The following TYMS variants were observed in gnomAD, a reference collection of about 807,000 sequenced individuals.
TYMS encodes the protein thymidylate synthase.
In TYMS, 21 loss-of-function variants were observed where a neutral mutation model predicts 39.3. That is an observed-to-expected ratio of 0.54 (90% CI 0.38 to 0.77). The LOEUF is 0.77. Among genes scored for constraint, TYMS ranks in the 30% least tolerant of loss-of-function variants. The pLI, the probability that TYMS is intolerant of heterozygous loss-of-function variation, is 0.00. For synonymous variants in TYMS, 171 were observed against 162.2 expected, an observed-to-expected ratio of 1.05 and a Z score of -0.41; for missense variants, 273 against 406.7, an observed-to-expected ratio of 0.67 and a Z score of 2.83.
At chr18:661,600 A>G (rs2074756141) in intron 2 of TYMS, among the ~76,000 whole-genome samples, 1 of 152,230 alleles carries the variant, frequency 6.6e-6, no homozygotes, top group African/African-American at 2.4e-5. Flanking sequence ...GTTGAGGGGA[A>G]TGGAAGAAAA....
At chr18:662,503 T>TA (rs2074766523) in intron 3 of TYMS, among the ~76,000 whole-genome samples, 183 bp downstream of exon 3, 3 of 126,452 alleles carry the variant, frequency 2.4e-5, no homozygotes, top group Non-Finnish European at 5.0e-5. Context: ...CGTTTCACAC[T>TA]CTTTTTTTTT....
intron 3 of TYMS, 31 bp downstream of exon 3, chr18:662,351 C>G (rs369797907): frequency 2.6e-5 from 41 of 1,569,764 alleles, no homozygotes; most frequent in Non-Finnish European, 3.1e-5. Flanking sequence ...CTTCCATTTC[C>G]CGGGTGCCCT....
chr18:670,894 G>T, intron 5 of TYMS, 27 bp downstream of exon 5: 1 of 1,612,380 alleles, frequency 6.2e-7, no homozygotes, highest in South Asian at 1.1e-5. Flanking sequence ...AGGGTGACTT[G>T]CCAGCCTACC....
rs770580127 is a variant in TYMS, at chr18:670,864, G to A, written c.729G>A (p.Leu243=). ...ACATGATTGCGCACATCACGGGCCT[G>A]AAGGTGGGCTGTCTCGGGAAGGGTG... ...LTYMIAHITG[L]KPGDFIHTLG... Residue 243 remains leucine, a synonymous_variant, in exon 5 of 7, where the codon CTG becomes CTA. Transcript: ENST00000323274. 2.5e-6 allele frequency: 4 copies of A among 1,614,032 alleles called. No individual in the cohort carries two copies. The highest frequency in any genetic ancestry group is 1.7e-5 in the Admixed American group (1 of 60,012).
At position 657,684 on chromosome 18, in the gene TYMS, TGGCCTGCCTCCGTCCCGCCGCGCCA is replaced by T. The variant is rs2074699461; in HGVS notation, c.-58_-34del. On this transcript the variant is annotated 5_prime_UTR_variant, in exon 1 of 7. Transcript: ENST00000323274. ...CCTGCCTCCGTCCCGCCGCGCCACTTGGCCTGCCTCCGTCCCGCCGCGCCACTTCGCCTGCCTCCGTCCCCCGCCC... is the reference window on the plus strand; with the variant it reads ...CCTGCCTCCGTCCCGCCGCGCCACTTCTTCGCCTGCCTCCGTCCCCCGCCC... The T allele has an allele frequency of 1.9e-5, 23 of 1,212,828 alleles. No individual in the cohort carries two copies. The highest frequency in any genetic ancestry group is 4.8e-5 in the African/African-American group (3 of 62,306). 75.1% of individuals were successfully genotyped at this position (1,212,828 alleles called of 1,614,324 possible). A position where few individuals can be genotyped will look rare whatever the true frequency, so the allele number is the denominator to read the frequency against.
At chr18:671,167 G>A (rs2847151) in intron 5 of TYMS, 224,603 of 611,424 alleles carry the variant, frequency 0.37, 44,845 homozygotes, top group East Asian at 0.66. Flanking sequence ...AGCACTTTGG[G>A]AGACTGAGAC....
chr18:672,223 G>C (rs1317870362), intron 6 of TYMS: 3 of 152,174 alleles, frequency 2.0e-5, no homozygotes, highest in Non-Finnish European at 4.4e-5. Context: ...TGAGCCTTAA[G>C]GAAAAAAACT....
Position 667,077 on chromosome 18 carries a change from A to T in TYMS, c.455-1995A>T, listed in dbSNP as rs182891213. ...GAGATGGAGATGGTGATGGTGATGGAGATGGTGATGGTGATGGAGATGGAG... is the reference window on the plus strand; with the variant it reads ...GAGATGGAGATGGTGATGGTGATGGTGATGGTGATGGTGATGGAGATGGAG... On this transcript the variant is annotated intron_variant, in intron 3 of 6. Transcript: ENST00000323274. 2.2e-3 allele frequency among the ~76,000 whole-genome samples: 89 copies of T among 40,760 alleles called. 17 individuals are homozygous for T. The highest frequency in any genetic ancestry group is 2.8e-3 in the Admixed American group (12 of 4,316). 26.7% of individuals were successfully genotyped at this position (40,760 alleles called of 152,430 possible). A position where few individuals can be genotyped will look rare whatever the true frequency, so the allele number is the denominator to read the frequency against.
In TYMS at chr18:666,038, G is replaced by T. The variant is rs1206359253; in HGVS notation, c.455-3034G>T. Among the ~76,000 whole-genome samples the T allele has an allele frequency of 3.1e-5, 3 of 97,904 alleles. 1 individual carries two copies. Among genetic ancestry groups the T allele is most frequent in the Non-Finnish European group, 5.7e-5 (3 of 52,882 alleles). 64.2% of individuals were successfully genotyped at this position (97,904 alleles called of 152,430 possible). A position where few individuals can be genotyped will look rare whatever the true frequency, so the allele number is the denominator to read the frequency against. On this transcript the variant is annotated intron_variant, in intron 3 of 6. Transcript: ENST00000323274. ...TGTAGATGTCTATTAGGTCCGCTTA[G>T]TGCAGAGCTGAGTTCAATTCCTGGG...
intron 3 of TYMS, among the ~76,000 whole-genome samples, chr18:667,517 T>C (rs1334309011): frequency 1.8e-5 from 1 of 55,236 alleles, no homozygotes; most frequent in African/African-American, 1.2e-4. Context: ...ATGGTGATGG[T>C]GATGGTGATG....
intron 4 of TYMS, among the ~76,000 whole-genome samples, chr18:670,064 G>C (rs1347137659): frequency 5.7e-5 from 8 of 140,064 alleles, no homozygotes; most frequent in Non-Finnish European, 9.2e-5. Context: ...TTTTTTTTGA[G>C]ACACAGTCTC....
rs750873960 is a variant in TYMS, at chr18:672,999, G to A, written c.*2G>A. On this transcript the variant is annotated 3_prime_UTR_variant, in exon 7 of 7. Coordinates refer to ENST00000323274, the MANE Select transcript of TYMS (RefSeq NM_001071.4). Reference sequence around the variant, plus strand: ...ATTAAAATGGAAATGGCTGTTTAGGGTGCTTTCAAAGGAGCTCGAAGGATA... The same window carrying A: ...ATTAAAATGGAAATGGCTGTTTAGGATGCTTTCAAAGGAGCTCGAAGGATA... 11 of 1,559,730 alleles carry A rather than the reference G, an allele frequency of 7.1e-6. No individual in the cohort carries two copies. Among genetic ancestry groups the A allele is most frequent in the Admixed American group, 1.7e-5 (1 of 59,442 alleles).
rs201596180 is a variant in TYMS at position 658,121 on chromosome 18, T to C, written c.205+174T>C. On this transcript the variant is annotated intron_variant, in intron 1 of 6. Coordinates refer to ENST00000323274, the MANE Select transcript of TYMS (RefSeq NM_001071.4). The surrounding 1 kb of genome is among the most constrained non-coding windows in gnomAD (Gnocchi z 4.5). ...CAGACGCCGAAACGGAGGGTCCCAT[T>C]AGGGACGTGACTGGCGCGGGCAACA... is the stretch of plus-strand genomic sequence containing the variant. 1.6e-4 allele frequency: 254 copies of C among 1,587,656 alleles called. 1 individual carries two copies. The East Asian group carries it at 2.8e-3, about 18-fold the overall frequency.
intron 3 of TYMS, among the ~76,000 whole-genome samples, chr18:666,969 T>TGATGGTGATGGCGATGGC (rs2074841687): frequency 7.2e-5 from 1 of 13,962 alleles, no homozygotes; most frequent in African/African-American, 3.6e-4. Flanking sequence ...ATGGAGATGG[T>TGATGGTGATGGCGATGGC]GATGGAGATG....
chr18:672,857 T>C lies in TYMS; in HGVS notation c.805-3T>C, dbSNP rs139825452. 1.3e-6 allele frequency: 2 copies of C among 1,556,564 alleles called. No individual in the cohort carries two copies. The highest frequency in any genetic ancestry group is 2.7e-5 in the African/African-American group (2 of 73,998). On this transcript the variant is annotated splice_region_variant and splice_polypyrimidine_tract_variant and intron_variant, in intron 6 of 6. Transcript: ENST00000323274. ...CAAAATAATGGCCTTATTTTGTTTT[T>C]AGCTTCAGCGAGAACCCAGACCTTT... is the stretch of plus-strand genomic sequence containing the variant.
At chr18:667,714 A>G (rs1443122864) in intron 3 of TYMS, 1 of 152,216 alleles carries the variant, frequency 6.6e-6, no homozygotes, top group Non-Finnish European at 1.5e-5. Context: ...CTTTATCACA[A>G]TGAAAAAAGC....
intron 3 of TYMS, among the ~76,000 whole-genome samples, chr18:667,404 GGT>G: frequency 1.9e-4 from 1 of 5,164 alleles, no homozygotes; most frequent in Non-Finnish European, 4.6e-4. Context: ...AGATGGTGAT[GGT>G]GATGGTGATG....
intron 3 of TYMS, chr18:667,696 T>C (rs1303350423): frequency 6.6e-6 from 1 of 152,166 alleles, no homozygotes; most frequent in African/African-American, 2.4e-5. Flanking sequence ...AGTTTAATAT[T>C]ATGTGTACTT....
rs1055622104 is a variant in TYMS, at chr18:658,483, C to G, written c.205+536C>G. On this transcript the variant is annotated intron_variant, in intron 1 of 6. Transcript: ENST00000323274. This position sits in a 1 kb window ranked among gnomAD's most constrained non-coding sequence, Gnocchi z 4.5. The stretch of plus-strand genomic sequence containing the variant: ...TTTCCTGGTGGCCTCCCATCCAATC[C>G]CCACGAACCAGCTTTCCTCTTAAAC... 6 of 418,866 alleles carry G rather than the reference C, an allele frequency of 1.4e-5. No individual in the cohort carries two copies. The highest frequency in any genetic ancestry group is 2.5e-5 in the Non-Finnish European group (6 of 243,904). 25.9% of individuals were successfully genotyped at this position (418,866 alleles called of 1,614,324 possible).
Sources: allele counts gnomAD v4.1 joint callset (sites outside exome capture counted in the v4.1 genomes callset), GRCh38; gene constraint gnomAD v4.1.1; non-coding constraint Gnocchi (gnomAD v3.1); transcripts MANE v1.5; gene names NCBI Gene and HGNC (gene_info 2026-07-23, HGNC 2026-07-21).